Variants in CCDC38 observed in about 807,000 individuals in gnomAD.
CCDC38 encodes coiled-coil domain containing 38.
A neutral mutation model predicts 72.8 loss-of-function variants in CCDC38; 69 were observed. That is an observed-to-expected ratio of 0.95 (90% CI 0.78 to 1.16). CCDC38 has a LOEUF of 1.16. Ranked by LOEUF, CCDC38 falls within the 50% of genes most tolerant of loss-of-function variation. CCDC38 has a pLI of 0.00. For missense variants in CCDC38, 626 were observed against 638.9 expected (o/e 0.98, Z 0.22); for synonymous variants, 201 against 213.2 (o/e 0.94, Z 0.50).
In CCDC38 at chr12:95,887,283, T is replaced by C. The variant is rs1176632797; in HGVS notation, c.920+1175A>G. 3.3e-5 allele frequency among the ~76,000 whole-genome samples: 5 copies of C among 152,224 alleles called. No homozygotes were observed. In the East Asian group the frequency reaches 9.6e-4, roughly 29 times the overall value. On this transcript the variant is annotated intron_variant, in intron 10 of 15. Transcript: ENST00000344280. ...AATTATTCCAGAGAAGTGAAAATTA[T>C]GTTCACACAAAAGGTTGAACAAAGA...
At chr12:95,926,282 G>T (rs2080270060) in intron 2 of CCDC38, among the ~76,000 whole-genome samples, 1 of 151,980 alleles carries the variant, frequency 6.6e-6, no homozygotes, top group South Asian at 2.1e-4. Context: ...GAGTGTATGT[G>T]TCAAGGAATT....
At chr12:95,917,841 A>G (rs1470608767) in intron 3 of CCDC38, among the ~76,000 whole-genome samples, 1 of 149,044 alleles carries the variant, frequency 6.7e-6, no homozygotes, top group East Asian at 2.0e-4. Context: ...ACCGCACTCC[A>G]GCCTGGGTGA....
At chr12:95,882,570 G>A (rs760795978) in intron 10 of CCDC38, among the ~76,000 whole-genome samples, 47 of 152,170 alleles carry the variant, frequency 3.1e-4, no homozygotes, top group Admixed American at 3.9e-4. Context: ...GGACATAGAT[G>A]AATTTTAGGG....
intron 4 of CCDC38, among the ~76,000 whole-genome samples, chr12:95,907,942 T>G (rs1439716267): frequency 6.7e-6 from 1 of 148,630 alleles, no homozygotes; most frequent in Non-Finnish European, 1.5e-5. Flanking sequence ...GCAGAGATGC[T>G]CCTCACTTTC....
intron 2 of CCDC38, among the ~76,000 whole-genome samples, chr12:95,930,389 T>A (rs78607901): frequency 0.022 from 3,393 of 152,252 alleles, 117 homozygotes; most frequent in African/African-American, 0.078. Flanking sequence ...GGGGAATCTA[T>A]TCCATGACTT....
At chr12:95,882,780 C>T (rs191787241) in intron 10 of CCDC38, among the ~76,000 whole-genome samples, 31 of 152,300 alleles carry the variant, frequency 2.0e-4, no homozygotes, top group African/African-American at 7.5e-4. Context: ...TCAACCACTG[C>T]TAATACACTA....
chr12:95,910,302 T>TACACACAC (rs141853582), intron 4 of CCDC38, among the ~76,000 whole-genome samples: 3,056 of 148,382 alleles, frequency 0.021, 83 homozygotes, highest in African/African-American at 0.056. Flanking sequence ...CCATTTACAT[T>TACACACAC]ACACACACAC....
chr12:95,905,432 T>A (rs1039241012), intron 5 of CCDC38, among the ~76,000 whole-genome samples: 3 of 152,342 alleles, frequency 2.0e-5, no homozygotes, highest in South Asian at 4.1e-4. Flanking sequence ...AGTAGGACTT[T>A]ATAATAAAGA....
Position 95,867,096 on chromosome 12 carries a change from C to T in CCDC38, c.1672G>A (p.Glu558Lys), listed in dbSNP as rs1211101685. The T allele has an allele frequency of 3.2e-5, 51 of 1,585,342 alleles. No homozygotes were observed. The highest frequency in any genetic ancestry group is 4.2e-5 in the Non-Finnish European group (49 of 1,156,932). Residue 558 changes from glutamate (E) to lysine (K), a missense_variant, in exon 16 of 16, where the codon GAA becomes AAA. Coordinates refer to ENST00000344280, the MANE Select transcript of CCDC38 (RefSeq NM_182496.3). ...TTTATTCAAGTAAAAAAATATTCTT[C>T]CTCTTGTGATTTTGTTTTTGTTTCA... ...VNETKTKSQE[E>K]EYFFT
intron 15 of CCDC38, among the ~76,000 whole-genome samples, chr12:95,868,000 G>A (rs2079541381): frequency 2.0e-5 from 3 of 152,140 alleles, no homozygotes; most frequent in African/African-American, 7.2e-5. Flanking sequence ...CCCCATCATT[G>A]TAACAACAAA....
chr12:95,921,199 T>C (rs567445273), intron 2 of CCDC38, among the ~76,000 whole-genome samples: 1 of 152,292 alleles, frequency 6.6e-6, no homozygotes, highest in African/African-American at 2.4e-5. Context: ...CCTGTTTTTC[T>C]TTATAACATT....
intron 13 of CCDC38, among the ~76,000 whole-genome samples, chr12:95,873,297 A>G (rs1326519245): frequency 6.6e-6 from 1 of 152,260 alleles, no homozygotes. Flanking sequence ...TGCTTTGCAC[A>G]TAACTACGCA....
rs959899741 is a variant in CCDC38 at position 95,872,877 on chromosome 12, G to A, written c.1279-417C>T. On this transcript the variant is annotated intron_variant, in intron 13 of 15. Coordinates refer to ENST00000344280, the MANE Select transcript of CCDC38 (RefSeq NM_182496.3). ...TGGCCTAATGTTTACTTTTTAAAAT[G>A]AGAAGTTTTAATAAATCATTGAGAA... Among the ~76,000 whole-genome samples the A allele has an allele frequency of 2.8e-4, 42 of 152,218 alleles. 1 individual carries two copies. The highest frequency in any genetic ancestry group is 3.1e-4 in the African/African-American group (13 of 41,458).
In CCDC38 at chr12:95,869,584, A is replaced by AATGTTTCTCCCTTCTTGTGAC; in HGVS notation, c.1485-12_1485-11insGTCACAAGAAGGGAGAAACAT. 6.3e-7 allele frequency: 1 copy of AATGTTTCTCCCTTCTTGTGAC among 1,595,602 alleles called. No individual in the cohort carries two copies. Among genetic ancestry groups the AATGTTTCTCCCTTCTTGTGAC allele is most frequent in the Non-Finnish European group, 8.6e-7 (1 of 1,164,594 alleles). ...TTCTCATCACGAAACCTGTCACAAG[A>AATGTTTCTCCCTTCTTGTGAC]AGGGAGAAACATTCTTGTAACTATA... On this transcript the variant is annotated splice_polypyrimidine_tract_variant and intron_variant, in intron 14 of 15. Coordinates refer to ENST00000344280, the MANE Select transcript of CCDC38 (RefSeq NM_182496.3).
intron 5 of CCDC38, among the ~76,000 whole-genome samples, chr12:95,899,218 C>T (rs2079925678): frequency 6.6e-6 from 1 of 152,192 alleles, no homozygotes; most frequent in African/African-American, 2.4e-5. Flanking sequence ...CTGTTTAGAT[C>T]CCCAAACACA....
At chr12:95,912,506 A>G (rs865927238) in intron 4 of CCDC38, among the ~76,000 whole-genome samples, 4 of 152,194 alleles carry the variant, frequency 2.6e-5, no homozygotes, top group Admixed American at 1.3e-4. Context: ...CAGACACACA[A>G]GTACAGCTAG....
chr12:95,894,982 AACTT>A lies in CCDC38; in HGVS notation c.772+3_772+6del. Reference sequence around the variant, plus strand: ...TAGTTCATGAAAGTTGAGTATAAGTAACTTACTTGCTAATATTTTTGGAAGGATG... The same window carrying A: ...TAGTTCATGAAAGTTGAGTATAAGTAACTTGCTAATATTTTTGGAAGGATG... On this transcript the variant is annotated splice_donor_5th_base_variant and intron_variant, in intron 8 of 15. Transcript: ENST00000344280. The A allele has an allele frequency of 2.5e-6, 4 of 1,601,548 alleles. No homozygotes were observed. Among genetic ancestry groups the A allele is most frequent in the Non-Finnish European group, 3.4e-6 (4 of 1,174,650 alleles).
rs184467908 is a variant in CCDC38 at position 95,911,598 on chromosome 12, C to T, written c.305-5147G>A. On this transcript the variant is annotated intron_variant, in intron 4 of 15. Transcript: ENST00000344280. ...CAAAAGAAGGCATACAAGTGACATC[C>T]GATAAACTGGAAAGAATGCCCGACA... is the stretch of plus-strand genomic sequence containing the variant. 2.0e-3 allele frequency among the ~76,000 whole-genome samples: 311 copies of T among 152,068 alleles called. 2 individuals carry two copies. The highest frequency in any genetic ancestry group is 7.3e-3 in the African/African-American group (301 of 41,476).
At chr12:95,891,465 C>T (rs1306600975) in intron 8 of CCDC38, among the ~76,000 whole-genome samples, 1 of 152,148 alleles carries the variant, frequency 6.6e-6, no homozygotes, top group African/African-American at 2.4e-5. Flanking sequence ...CCCACCTCAG[C>T]CTCCAGAGTA....
Sources: gnomAD v4.1 joint callset for allele counts (sites outside exome capture counted in the v4.1 genomes callset) on GRCh38, gnomAD v4.1.1 for gene constraint, MANE v1.5 for transcripts, NCBI Gene and HGNC (gene_info 2026-07-23, HGNC 2026-07-21) for gene names.